CEACAM6: variants seen among roughly 807,000 people sequenced by gnomAD.
The protein encoded by CEACAM6 is cell adhesion molecule CEACAM6.
CEACAM6 carries 21 observed loss-of-function variants against 32.4 expected under a neutral mutation model. The ratio of observed to expected loss-of-function variants is 0.65; its 90% CI spans 0.46 to 0.93. The LOEUF (loss-of-function observed/expected upper bound fraction) is 0.93, where lower values mean the gene tolerates loss of function less well. Among genes scored for constraint, CEACAM6 ranks in the 40% least tolerant of loss-of-function variants. CEACAM6 has a pLI of 0.00. For missense variants in CEACAM6, 406 were observed against 432.2 expected (o/e 0.94, Z 0.54); for synonymous variants, 184 against 174.4 (o/e 1.06, Z -0.43).
chr19:41,766,217 C>T lies in CEACAM6; in HGVS notation c.993C>T (p.Val331=), dbSNP rs369183839. The T allele has an allele frequency of 6.0e-5, 96 of 1,607,852 alleles. No homozygotes were observed. The highest frequency in any genetic ancestry group is 7.8e-5 in the Non-Finnish European group (92 of 1,177,674). ...SAPVLSAVAT[V]GITIGVLARV... is the part of the protein sequence containing the mutation. ...CTGTCCTCTCAGCTGTGGCCACCGT[C>T]GGCATCACGATTGGAGTGCTGGCCA... Residue 331 remains valine (V), a synonymous_variant, in exon 5 of 6, where the codon GTC becomes GTT. Transcript: ENST00000199764.
Position 41,756,637 on chromosome 19 carries a change from C to T in CEACAM6, c.102C>T (p.Ala34=), listed in dbSNP as rs1555821083. 1 of 1,614,092 alleles carries T rather than the reference C, an allele frequency of 6.2e-7. No individual in the cohort carries two copies. The highest frequency in any genetic ancestry group is 1.1e-5 in the South Asian group (1 of 91,080). The stretch of plus-strand genomic sequence containing the variant: ...CCTTCTGGAACCCACCCACCACTGC[C>T]AAGCTCACTATTGAATCCACGCCGT... ...LLTFWNPPTT[A]KLTIESTPFN... is the part of the protein sequence containing the mutation. Residue 34 remains alanine (A), a synonymous_variant, in exon 2 of 6, where the codon GCC becomes GCT. Coordinates refer to ENST00000199764, the MANE Select transcript of CEACAM6 (RefSeq NM_002483.7).
intron 4 of CEACAM6, among the ~76,000 whole-genome samples, chr19:41,764,578 C>A (rs1446162211): frequency 6.6e-6 from 1 of 152,186 alleles, no homozygotes; most frequent in African/African-American, 2.4e-5. Context: ...GTGTGAGCCA[C>A]CATGCCCCCA....
In CEACAM6 at chr19:41,762,195, GA is replaced by G; in HGVS notation, c.931del (p.Thr311ProfsTer5). Reference sequence around the variant, plus strand: ...ATAACTCAGCCACTGGCCTCAATAGGACCACAGTCACGATGATCACAGTCTC... The same window carrying G: ...ATAACTCAGCCACTGGCCTCAATAGGCCACAGTCACGATGATCACAGTCTC... ...AHNSATGLNRTTVTMITVSGS... is the reference protein window; with the variant it reads ...AHNSATGLNRXTVTMITVSGS... On this transcript the variant is annotated frameshift_variant, in exon 4 of 6. Transcript: ENST00000199764. LOFTEE classifies it high-confidence loss of function. 1 of 1,614,086 alleles carries G rather than the reference GA, an allele frequency of 6.2e-7. No homozygotes were observed. The highest frequency in any genetic ancestry group is 8.5e-7 in the Non-Finnish European group (1 of 1,180,002).
At chr19:41,764,197 G>C (rs77128098) in intron 4 of CEACAM6, among the ~76,000 whole-genome samples, 1 of 152,078 alleles carries the variant, frequency 6.6e-6, no homozygotes, top group African/African-American at 2.4e-5. Flanking sequence ...GAATTTGTCC[G>C]TTTCATCTAG....
intron 2 of CEACAM6, among the ~76,000 whole-genome samples, chr19:41,760,144 C>T (rs782742382): frequency 6.6e-5 from 10 of 152,166 alleles, no homozygotes; most frequent in African/African-American, 2.2e-4. Context: ...TAACTGAAAG[C>T]GCACACCCAT....
chr19:41,759,923 GA>G (rs2072912560), intron 2 of CEACAM6, among the ~76,000 whole-genome samples: 1 of 152,180 alleles, frequency 6.6e-6, no homozygotes, highest in Non-Finnish European at 1.5e-5. Flanking sequence ...AAGTGATGCT[GA>G]AAAGAAATGC....
chr19:41,755,678 C>T lies in CEACAM6; in HGVS notation c.40C>T (p.Pro14Ser), dbSNP rs2072880540. 1 of 1,605,482 alleles carries T rather than the reference C, an allele frequency of 6.2e-7. No individual in the cohort carries two copies. Among genetic ancestry groups the T allele is most frequent in the Admixed American group, 1.7e-5 (1 of 58,152 alleles). ...AGCCCCTCCCTGCAGATTGCATGTC[C>T]CCTGGAAGGAGGTCCTGCTCACAGG... ...PSAPPCRLHV[P>S]WKEVLLTASL... is the part of the protein sequence containing the mutation. Residue 14 changes from proline to serine, a missense_variant, in exon 1 of 6, where the codon CCC becomes TCC. By Grantham distance (74) the Pro-to-Ser change is moderately conservative. Transcript: ENST00000199764.
intron 3 of CEACAM6, 30 bp downstream of exon 3, chr19:41,761,557 G>A (rs782531554): frequency 6.4e-5 from 103 of 1,609,604 alleles, no homozygotes; most frequent in Admixed American, 1.7e-4. Context: ...CTGTGGCCCA[G>A]GCTGCCAGCC....
At chr19:41,761,148 A>G in intron 2 of CEACAM6, 101 bp from the exon 3 acceptor site, 1 of 1,581,756 alleles carries the variant, frequency 6.3e-7, no homozygotes, top group Non-Finnish European at 8.6e-7. Context: ...TTAAGGACTC[A>G]AGGGGGCTGA....
intron 2 of CEACAM6, among the ~76,000 whole-genome samples, chr19:41,759,042 A>G (rs1238427592): frequency 1.3e-5 from 2 of 152,266 alleles, no homozygotes; most frequent in African/African-American, 2.4e-5. Context: ...AGTCAGAGGC[A>G]GGATGACAGG....
chr19:41,755,750 A>G (rs535508283), intron 1 of CEACAM6, 48 bp downstream of exon 1: 194 of 1,528,006 alleles, frequency 1.3e-4, no homozygotes, highest in Non-Finnish European at 1.7e-4. Flanking sequence ...GAGCACAGAG[A>G]CTGGCTAGGG....
intron 2 of CEACAM6, among the ~76,000 whole-genome samples, chr19:41,758,987 A>T (rs782525408): frequency 1.3e-5 from 2 of 152,206 alleles, no homozygotes; most frequent in African/African-American, 4.8e-5. Flanking sequence ...GCCACGGGAC[A>T]GGGACAAGCG....
chr19:41,756,412 G>A (rs1204313970), intron 1 of CEACAM6, among the ~76,000 whole-genome samples, 188 bp from the exon 2 acceptor site: 1 of 151,014 alleles, frequency 6.6e-6, no homozygotes, highest in Admixed American at 6.6e-5. Flanking sequence ...CAAAGGTGCT[G>A]AAGGAATGGG....
intron 1 of CEACAM6, 64 bp from the exon 2 acceptor site, chr19:41,756,536 G>A (rs2072886534): frequency 1.3e-6 from 2 of 1,562,552 alleles, no homozygotes; most frequent in Non-Finnish European, 1.7e-6. Context: ...AGGACCCAGG[G>A]CCCTGTTTTT....
chr19:41,763,895 C>T (rs973074589), intron 4 of CEACAM6, among the ~76,000 whole-genome samples: 8 of 152,166 alleles, frequency 5.3e-5, no homozygotes, highest in Non-Finnish European at 1.2e-4. Context: ...TACTTCTTTC[C>T]GATTTGGATG....
At chr19:41,761,156 T>A (rs2072920371) in intron 2 of CEACAM6, 93 bp from the exon 3 acceptor site, 2 of 1,591,262 alleles carry the variant, frequency 1.3e-6, no homozygotes, top group African/African-American at 2.7e-5. Flanking sequence ...TCAAGGGGGC[T>A]GAGAGGTGAG....
At position 41,761,448 on chromosome 19, in the gene CEACAM6, C is replaced by T. The variant is rs979580658; in HGVS notation, c.624C>T (p.Asn208=). 6.8e-6 allele frequency: 11 copies of T among 1,614,104 alleles called. No individual in the cohort carries two copies. The highest frequency in any genetic ancestry group is 3.3e-5 in the South Asian group (3 of 91,086). Residue 208 remains asparagine, a synonymous_variant, in exon 3 of 6, where the codon AAC becomes AAT. Coordinates refer to ENST00000199764, the MANE Select transcript of CEACAM6 (RefSeq NM_002483.7). ...MTLTLLSVKR[N]DAGSYECEIQ... ...TCACTCTACTCAGCGTCAAAAGGAA[C>T]GATGCAGGATCCTATGAATGTGAAA... is the stretch of plus-strand genomic sequence containing the variant.
In CEACAM6 at chr19:41,756,847, T is replaced by C. The variant is rs782028604; in HGVS notation, c.312T>C (p.Asn104=). 9 of 1,614,098 alleles carry C rather than the reference T, an allele frequency of 5.6e-6. No homozygotes were observed. Among genetic ancestry groups the C allele is most frequent in the Non-Finnish European group, 7.6e-6 (9 of 1,179,990 alleles). The change falls in exon 2 of 6, where the codon AAT becomes AAC. Residue 104 remains asparagine (N), a synonymous_variant. Coordinates refer to ENST00000199764, the MANE Select transcript of CEACAM6 (RefSeq NM_002483.7). ...AYSGRETIYP[N]ASLLIQNVTQ... is the part of the protein sequence containing the mutation. The stretch of plus-strand genomic sequence containing the variant: ...GTGGTCGAGAGACAATATACCCCAA[T>C]GCATCCCTGCTGATCCAGAACGTCA...
chr19:41,761,839 C>G, intron 3 of CEACAM6, 130 bp from the exon 4 acceptor site: 1 of 1,208,904 alleles, frequency 8.3e-7, no homozygotes, highest in Non-Finnish European at 1.2e-6. Flanking sequence ...GCTCAGGGGA[C>G]ATAGCGGGGG....
Sources: gnomAD v4.1 joint callset for allele counts (sites outside exome capture counted in the v4.1 genomes callset) on GRCh38, gnomAD v4.1.1 for gene constraint, MANE v1.5 for transcripts, NCBI Gene and HGNC (gene_info 2026-07-23, HGNC 2026-07-21) for gene names.